Variants in RBFOX3 observed in about 807,000 individuals in gnomAD.
RBFOX3 encodes the protein RNA binding fox-1 homolog 3.
RBFOX3 carries 17 observed loss-of-function variants against 48.7 expected under a neutral mutation model. The observed-to-expected ratio is 0.35, with a 90% CI of 0.24 to 0.52. RBFOX3 has a LOEUF of 0.52. Ranked by LOEUF, RBFOX3 falls within the 20% of genes least tolerant of loss-of-function variation. The probability of loss-of-function intolerance (pLI) is 0.94; values close to 1 mark genes in which losing one functional copy is unlikely to be tolerated. For missense variants in RBFOX3, 382 were observed against 497.5 expected (o/e 0.77, Z 2.21); for synonymous variants, 212 against 209.5 (o/e 1.01, Z -0.10).
chr17:79,163,324 C>G (rs1194382699), intron 4 of RBFOX3, among the ~76,000 whole-genome samples: 1 of 152,226 alleles, frequency 6.6e-6, no homozygotes, highest in Non-Finnish European at 1.5e-5. Flanking sequence ...CCTCAGTGTT[C>G]TGAGGGTGTC....
chr17:79,625,687 G>A, the RBFOX3 span, among the ~76,000 whole-genome samples: 1 of 140,436 alleles, frequency 7.1e-6, no homozygotes, highest in Admixed American at 7.2e-5. Context: ...AGCTACTCAG[G>A]AGGCTGAGGC....
chr17:79,456,176 C>A (rs1197639432), intron 2 of RBFOX3, among the ~76,000 whole-genome samples: 1 of 152,216 alleles, frequency 6.6e-6, no homozygotes, highest in East Asian at 1.9e-4. Context: ...TGCTCCCGAG[C>A]CTGTTCCTCT....
chr17:79,369,889 G>A (rs529913788), intron 2 of RBFOX3, among the ~76,000 whole-genome samples: 1 of 152,290 alleles, frequency 6.6e-6, no homozygotes, highest in East Asian at 1.9e-4. Context: ...AAGCTCCCAC[G>A]GAGAGAGAAT....
intron 2 of RBFOX3, among the ~76,000 whole-genome samples, chr17:79,475,329 G>C (rs1364681229): frequency 2.0e-5 from 3 of 152,144 alleles, no homozygotes; most frequent in Non-Finnish European, 4.4e-5. Context: ...TCTTATCATT[G>C]TCTTAAAATC....
chr17:79,588,649 A>C (rs1415964220), intron 1 of RBFOX3, among the ~76,000 whole-genome samples: 2 of 152,034 alleles, frequency 1.3e-5, no homozygotes, highest in African/African-American at 4.8e-5. Context: ...GCCCTCCCCC[A>C]AGAGACCTGT....
At chr17:79,167,558 C>T (rs1746378117) in intron 4 of RBFOX3, among the ~76,000 whole-genome samples, 1 of 152,198 alleles carries the variant, frequency 6.6e-6, no homozygotes, top group African/African-American at 2.4e-5. Flanking sequence ...GTTGAGGACT[C>T]CAATTTACAG....
At chr17:79,634,008 G>A in the RBFOX3 span, among the ~76,000 whole-genome samples, 1 of 152,208 alleles carries the variant, frequency 6.6e-6, no homozygotes, top group East Asian at 1.9e-4. Flanking sequence ...CCTGTCTGCT[G>A]CTATTAACAT....
intron 2 of RBFOX3, among the ~76,000 whole-genome samples, chr17:79,432,000 C>G (rs1478837665): frequency 6.6e-6 from 1 of 152,236 alleles, no homozygotes; most frequent in Non-Finnish European, 1.5e-5. Context: ...TAATTTCTGT[C>G]TCTATGAATG....
At chr17:79,305,504 C>T (rs2075973750) in intron 3 of RBFOX3, among the ~76,000 whole-genome samples, 1 of 152,218 alleles carries the variant, frequency 6.6e-6, no homozygotes, top group Non-Finnish European at 1.5e-5. Context: ...GGGCAGAGCC[C>T]TGCCCCCTTG....
chr17:79,388,190 T>C (rs1294805242), intron 2 of RBFOX3, among the ~76,000 whole-genome samples: 2 of 152,212 alleles, frequency 1.3e-5, no homozygotes, highest in Non-Finnish European at 2.9e-5. Context: ...CCACACAGAC[T>C]GGGCCATAAC....
intron 1 of RBFOX3, among the ~76,000 whole-genome samples, chr17:79,596,092 C>T (rs2093561901): frequency 6.6e-6 from 1 of 151,962 alleles, no homozygotes; most frequent in South Asian, 2.2e-4. Context: ...ATCTACTCCT[C>T]ATTCCAAGCC....
chr17:79,464,956 A>T (rs1173305509), intron 2 of RBFOX3, among the ~76,000 whole-genome samples: 1 of 152,262 alleles, frequency 6.6e-6, no homozygotes, highest in Non-Finnish European at 1.5e-5. Flanking sequence ...CAAGTTAGCA[A>T]GTGGGGAACC....
intron 2 of RBFOX3, among the ~76,000 whole-genome samples, chr17:79,389,277 G>C (rs917426751): frequency 2.0e-5 from 3 of 152,096 alleles, no homozygotes; most frequent in African/African-American, 7.2e-5. Flanking sequence ...TGGAGGACTG[G>C]GGGTAGAAAC....
In RBFOX3 at chr17:79,111,172, C is replaced by T. The variant is rs148393908; in HGVS notation, c.222+4322G>A. ...CATCCTGGGGCTGCAGGTCACTGGG[C>T]AGAGAGGCCTCCAGGGACCTGGGCG... is the stretch of plus-strand genomic sequence containing the variant. On this transcript the variant is annotated intron_variant, in intron 5 of 14. Coordinates refer to ENST00000693108, the MANE Select transcript of RBFOX3 (RefSeq NM_001350451.2). The surrounding 1 kb of genome is among the most constrained non-coding windows in gnomAD (Gnocchi z 4.2). Among the ~76,000 whole-genome samples the T allele has an allele frequency of 3.1e-3, 469 of 152,338 alleles. 2 individuals are homozygous for T. The highest frequency in any genetic ancestry group is 0.011 in the African/African-American group (455 of 41,584).
At chr17:79,138,733 G>GTTCATGCCCCCCTCACCCACACATGCA (rs1568206699) in intron 4 of RBFOX3, among the ~76,000 whole-genome samples, 5 of 2,970 alleles carry the variant, frequency 1.7e-3, no homozygotes, top group Non-Finnish European at 2.4e-3. Context: ...ACACACGCAT[G>GTTCATGCCCCCCTCACCCACACATGCA]CACACAGCAC....
intron 4 of RBFOX3, among the ~76,000 whole-genome samples, chr17:79,143,244 T>A (rs2042272762): frequency 6.6e-6 from 1 of 152,008 alleles, no homozygotes; most frequent in African/African-American, 2.4e-5. Context: ...CTCGCCCGAG[T>A]CCACCCCGTT....
At chr17:79,143,388 G>C (rs577042169) in intron 4 of RBFOX3, among the ~76,000 whole-genome samples, 1 of 134,598 alleles carries the variant, frequency 7.4e-6, no homozygotes, top group African/African-American at 2.7e-5. Flanking sequence ...GGTGGGGGGG[G>C]GTTCTATAAA....
chr17:79,118,180 C>T (rs2034627947), intron 4 of RBFOX3, among the ~76,000 whole-genome samples: 1 of 152,222 alleles, frequency 6.6e-6, no homozygotes, highest in Admixed American at 6.5e-5. Context: ...GACTGGGAAC[C>T]TAAGGAGCAG....
At chr17:79,648,362 G>A in the RBFOX3 span, among the ~76,000 whole-genome samples, 2 of 152,168 alleles carry the variant, frequency 1.3e-5, no homozygotes, top group Admixed American at 1.3e-4. Context: ...GTCCTCCCCA[G>A]AGGCAGGTCA....
Sources: allele counts gnomAD v4.1 joint callset (sites outside exome capture counted in the v4.1 genomes callset), GRCh38; gene constraint gnomAD v4.1.1; non-coding constraint Gnocchi (gnomAD v3.1); transcripts MANE v1.5; gene names NCBI Gene and HGNC (gene_info 2026-07-23, HGNC 2026-07-21).